Variants in MYRIP observed in about 807,000 individuals in gnomAD.
The protein encoded by MYRIP is rab effector MyRIP.
In MYRIP, 49 loss-of-function variants were observed where a neutral mutation model predicts 98.0. That is an observed-to-expected ratio of 0.50 (90% confidence interval 0.40 to 0.63). The LOEUF (loss-of-function observed/expected upper bound fraction) is 0.63. Ranked by LOEUF, MYRIP falls within the 30% of genes least tolerant of loss-of-function variation. The pLI is 0.00. For missense variants in MYRIP, 1,004 were observed against 1,058.2 expected (o/e 0.95, Z 0.71); for synonymous variants, 404 against 409.5 (o/e 0.99, Z 0.16).
intron 1 of MYRIP, among the ~76,000 whole-genome samples, chr3:39,818,793 T>G (rs1575269942): frequency 6.6e-6 from 1 of 152,148 alleles, no homozygotes; most frequent in Admixed American, 6.5e-5. Flanking sequence ...AATTTGACCA[T>G]TTGATGCCAA....
At chr3:39,902,262 G>C (rs1031730815) in intron 2 of MYRIP, among the ~76,000 whole-genome samples, 11 of 152,186 alleles carry the variant, frequency 7.2e-5, no homozygotes, top group Admixed American at 4.6e-4. Context: ...TTGCAACTAG[G>C]AATCAAGTGG....
chr3:40,007,343 T>TAAAAAA (rs5848544), intron 2 of MYRIP, among the ~76,000 whole-genome samples: 11 of 148,612 alleles, frequency 7.4e-5, no homozygotes, highest in African/African-American at 2.5e-4. Flanking sequence ...AAATATATGT[T>TAAAAAA]AAAAAAAAAA....
At chr3:40,190,778 G>A (rs540214399) in intron 10 of MYRIP, among the ~76,000 whole-genome samples, 11 of 152,286 alleles carry the variant, frequency 7.2e-5, no homozygotes, top group South Asian at 6.2e-4. Flanking sequence ...GGACCCAGCC[G>A]TGTCTATTTT....
At chr3:40,097,003 G>A (rs1294657544) in intron 3 of MYRIP, among the ~76,000 whole-genome samples, 1 of 152,208 alleles carries the variant, frequency 6.6e-6, no homozygotes, top group East Asian at 1.9e-4. Context: ...CAACAACTCA[G>A]TAAAAGGCTC....
At chr3:40,057,172 T>C (rs576847081) in intron 3 of MYRIP, among the ~76,000 whole-genome samples, 26 of 152,146 alleles carry the variant, frequency 1.7e-4, no homozygotes, top group African/African-American at 5.8e-4. Context: ...CCTTCATGCT[T>C]GGTTCCCTAT....
chr3:40,096,729 G>A (rs1948841355), intron 3 of MYRIP, among the ~76,000 whole-genome samples: 2 of 152,202 alleles, frequency 1.3e-5, no homozygotes, highest in Non-Finnish European at 2.9e-5. Context: ...CACAGGGCCT[G>A]CATCTCAGAG....
At chr3:39,974,320 G>C (rs1183625256) in intron 2 of MYRIP, among the ~76,000 whole-genome samples, 3 of 152,052 alleles carry the variant, frequency 2.0e-5, no homozygotes, top group Admixed American at 6.6e-5. Context: ...ATAAATTCCT[G>C]GACACATACA....
At chr3:40,067,802 A>C (rs1948152700) in intron 3 of MYRIP, among the ~76,000 whole-genome samples, 1 of 152,214 alleles carries the variant, frequency 6.6e-6, no homozygotes, top group African/African-American at 2.4e-5. Flanking sequence ...GGTGCTTATC[A>C]GATGCCAGGC....
intron 2 of MYRIP, among the ~76,000 whole-genome samples, chr3:40,038,138 AG>A (rs1055408316): frequency 6.7e-6 from 1 of 148,190 alleles, no homozygotes; most frequent in Non-Finnish European, 1.5e-5. Flanking sequence ...TAAAAAAAAA[AG>A]TTAATAACAA....
intron 12 of MYRIP, among the ~76,000 whole-genome samples, chr3:40,234,399 A>G (rs1329332281): frequency 6.6e-6 from 1 of 152,230 alleles, no homozygotes; most frequent in Non-Finnish European, 1.5e-5. Context: ...GTTGCATCTC[A>G]GAGTTGTCCT....
intron 1 of MYRIP, among the ~76,000 whole-genome samples, chr3:39,896,545 T>C (rs974830855): frequency 1.3e-5 from 2 of 152,182 alleles, no homozygotes; most frequent in Non-Finnish European, 2.9e-5. Flanking sequence ...AATGTGAGAG[T>C]CTTAACATTT....
intron 2 of MYRIP, among the ~76,000 whole-genome samples, chr3:39,921,424 C>T (rs1048618821): frequency 6.6e-6 from 1 of 152,200 alleles, no homozygotes; most frequent in African/African-American, 2.4e-5. Context: ...AATATTTAAA[C>T]TCACTGTGTT....
At chr3:39,973,765 T>C (rs1945666473) in intron 2 of MYRIP, among the ~76,000 whole-genome samples, 3 of 152,112 alleles carry the variant, frequency 2.0e-5, no homozygotes, top group Admixed American at 2.0e-4. Flanking sequence ...ACCGCCCAAC[T>C]ACATGGAAAC....
At chr3:40,055,237 T>C (rs1214846735) in intron 3 of MYRIP, among the ~76,000 whole-genome samples, 1 of 152,174 alleles carries the variant, frequency 6.6e-6, no homozygotes, top group African/African-American at 2.4e-5. Context: ...TATATCTTAG[T>C]GGCATTACAA....
chr3:40,142,858 G>A (rs966581948), intron 3 of MYRIP, among the ~76,000 whole-genome samples: 1 of 152,214 alleles, frequency 6.6e-6, no homozygotes, highest in Non-Finnish European at 1.5e-5. Flanking sequence ...TCATCACCAG[G>A]AGAGCATCTC....
At chr3:40,207,128 G>A (rs936093324) in intron 10 of MYRIP, among the ~76,000 whole-genome samples, 2 of 152,094 alleles carry the variant, frequency 1.3e-5, no homozygotes, top group African/African-American at 4.8e-5. Context: ...CCTTAGACTG[G>A]TGTTTAACGC....
chr3:40,171,172 A>G lies in MYRIP; in HGVS notation c.873+1079A>G, dbSNP rs559653931. Among the ~76,000 whole-genome samples, 4 of 152,072 alleles carry G rather than the reference A, an allele frequency of 2.6e-5. No individual in the cohort carries two copies. The East Asian group carries it at 7.8e-4, about 30-fold the overall frequency. On this transcript the variant is annotated intron_variant, in intron 8 of 16. Coordinates refer to ENST00000302541, the MANE Select transcript of MYRIP (RefSeq NM_015460.4). ...CCAAGGAGAACCAAACAAGTAGAAG[A>G]CGCCATGCCCACCGTCCAGAGCTTT... is the stretch of plus-strand genomic sequence containing the variant.
At chr3:40,218,620 A>ATTT (rs1952213562) in intron 11 of MYRIP, among the ~76,000 whole-genome samples, 1 of 13,366 alleles carries the variant, frequency 7.5e-5, no homozygotes, top group Admixed American at 1.2e-3. Flanking sequence ...TTTTATATAT[A>ATTT]TATATATATA....
At chr3:40,002,610 A>C (rs1167579581) in intron 2 of MYRIP, among the ~76,000 whole-genome samples, 5 of 152,126 alleles carry the variant, frequency 3.3e-5, no homozygotes, top group Non-Finnish European at 5.9e-5. Context: ...TAAACACAGC[A>C]TAGCCCTCCC....
Sources: gnomAD v4.1 joint callset for allele counts (sites outside exome capture counted in the v4.1 genomes callset) on GRCh38, gnomAD v4.1.1 for gene constraint, MANE v1.5 for transcripts, NCBI Gene and HGNC (gene_info 2026-07-23, HGNC 2026-07-21) for gene names.